The following SEMA3F variants were observed in gnomAD, a reference collection of about 807,000 sequenced individuals.
The protein encoded by SEMA3F is semaphorin 3F, also known as semaphorin-3F.
In SEMA3F, 30 loss-of-function variants were observed where a neutral mutation model predicts 98.5. The observed-to-expected ratio is 0.30, with a 90% CI of 0.23 to 0.41. SEMA3F has a LOEUF of 0.41. Ranked by LOEUF, SEMA3F falls within the 10% of genes least tolerant of loss-of-function variation. The pLI is 1.00. For synonymous variants in SEMA3F, 380 were observed against 444.8 expected (o/e 0.85, Z 1.83); for missense variants, 866 against 1,119.3 (o/e 0.77, Z 3.23).
At chr3:50,173,984 G>A in intron 3 of SEMA3F, 31 bp downstream of exon 3, 1 of 1,613,954 alleles carries the variant, frequency 6.2e-7, no homozygotes, top group African/African-American at 1.3e-5. Context: ...GGGACGTGGG[G>A]TGGGCACGGA....
chr3:50,187,005 A>C (rs1699245146), intron 18 of SEMA3F, among the ~76,000 whole-genome samples: 1 of 152,244 alleles, frequency 6.6e-6, no homozygotes, highest in Admixed American at 6.5e-5. Context: ...ACCTTCTACA[A>C]AAACATCATG....
chr3:50,178,537 A>G (rs913251415), intron 7 of SEMA3F, among the ~76,000 whole-genome samples: 2 of 151,448 alleles, frequency 1.3e-5, no homozygotes, highest in African/African-American at 4.8e-5. Flanking sequence ...GCTGGCCAAC[A>G]TGGGTGAAAC....
chr3:50,167,891 C>A (rs1306073302), intron 2 of SEMA3F, among the ~76,000 whole-genome samples: 1 of 152,222 alleles, frequency 6.6e-6, no homozygotes, highest in Non-Finnish European at 1.5e-5. Context: ...CATTTCCCAC[C>A]ACATTTCCTA....
Position 50,155,786 on chromosome 3 carries a change from A to G in SEMA3F, c.-49+222A>G, listed in dbSNP as rs985746954. 2.0e-5 allele frequency: 4 copies of G among 200,242 alleles called. No homozygotes were observed. The South Asian group carries it at 7.6e-4, about 38-fold the overall frequency. 12.4% of individuals were successfully genotyped at this position (200,242 alleles called of 1,614,324 possible). A position where few individuals can be genotyped will look rare whatever the true frequency, so the allele number is the denominator to read the frequency against. On this transcript the variant is annotated intron_variant, in intron 1 of 18. Coordinates refer to ENST00000002829, the MANE Select transcript of SEMA3F (RefSeq NM_004186.5). This position sits in a 1 kb window ranked among gnomAD's most constrained non-coding sequence, Gnocchi z 4.9. ...TACGGGGCGGCGTATGGATGTGTGG[A>G]TGATGTGGCCTGCGGGGTCACCCAT...
At position 50,173,845 on chromosome 3, in the gene SEMA3F, C is replaced by T. The variant is rs760227157; in HGVS notation, c.165C>T (p.Thr55=). The change falls in exon 3 of 19, where the codon ACC becomes ACT. Residue 55 remains threonine, a synonymous_variant. Transcript: ENST00000002829. ...AHFFNFLLNT[T]DYRILLKDED... is the part of the protein sequence containing the mutation. The stretch of plus-strand genomic sequence containing the variant: ...TCTTCAACTTCCTGCTCAACACAAC[C>T]GACTACCGAATCTTGCTCAAGGACG... 1.2e-5 allele frequency: 19 copies of T among 1,613,972 alleles called. No individual in the cohort carries two copies. The highest frequency in any genetic ancestry group is 1.0e-4 in the Admixed American group (6 of 60,000).
intron 2 of SEMA3F, among the ~76,000 whole-genome samples, chr3:50,163,560 C>G (rs1698294410): frequency 6.6e-6 from 1 of 152,250 alleles, no homozygotes. Context: ...CGTTGACTTC[C>G]CCTCAGGAGT....
In SEMA3F at chr3:50,176,800, C is replaced by T. The variant is rs150956613; in HGVS notation, c.582C>T (p.Leu194=). The part of the protein sequence containing the change: ...DYIFYLEPER[L]ESGKGKCPYD... The stretch of plus-strand genomic sequence containing the variant: ...TCTTCTACCTGGAGCCTGAGCGACT[C>T]GAGTCAGGGAAGGGCAAGTGTCCGT... Residue 194 remains leucine, a synonymous_variant, in exon 7 of 19, where the codon CTC becomes CTT. Transcript: ENST00000002829. 5,798 of 1,613,566 alleles carry T rather than the reference C, an allele frequency of 3.6e-3. 10 individuals are homozygous for T. The highest frequency in any genetic ancestry group is 9.1e-3 in the Middle Eastern group (55 of 6,060).
intron 2 of SEMA3F, among the ~76,000 whole-genome samples, chr3:50,167,996 G>A (rs1332941931): frequency 2.6e-5 from 4 of 152,170 alleles, no homozygotes; most frequent in Admixed American, 6.5e-5. Flanking sequence ...ATAAAAACAC[G>A]CGGAGTCATT....
At chr3:50,185,736 T>G (rs779590222) in intron 15 of SEMA3F, 29 bp downstream of exon 15, 10 of 1,613,802 alleles carry the variant, frequency 6.2e-6, no homozygotes, top group Non-Finnish European at 1.7e-6. Flanking sequence ...GAGCCAAGGT[T>G]GGGGACAGGG....
rs1485982045 is a variant in SEMA3F at position 50,186,702 on chromosome 3, G to C, written c.1903G>C (p.Val635Leu). 8 of 1,609,258 alleles carry C rather than the reference G, an allele frequency of 5.0e-6. No individual in the cohort carries two copies. In the Admixed American group the frequency reaches 1.3e-4, roughly 27 times the overall value. Reference sequence around the variant, plus strand: ...CCAGCCCCGCTCGCCCCAAGCCACTGTTAAGTGGCTGTTCCAGCGAGATCC... The same window carrying C: ...CCAGCCCCGCTCGCCCCAAGCCACTCTTAAGTGGCTGTTCCAGCGAGATCC... Reference protein sequence around the residue: ...ECQPRSPQATVKWLFQRDPGD... With the variant: ...ECQPRSPQATLKWLFQRDPGD... The change falls in exon 18 of 19, where the codon GTT becomes CTT. Residue 635 changes from valine to leucine, a missense_variant. Around this residue, in one of 3 missense-constraint regions of SEMA3F, gnomAD observed 245 missense variants for 260.5 expected, o/e 0.94. Coordinates refer to ENST00000002829, the MANE Select transcript of SEMA3F (RefSeq NM_004186.5).
At chr3:50,160,982 C>G (rs2624841) in intron 2 of SEMA3F, among the ~76,000 whole-genome samples, 1 of 152,006 alleles carries the variant, frequency 6.6e-6, no homozygotes, top group Non-Finnish European at 1.5e-5. Context: ...AAAGCACCCC[C>G]CTTCCCCGGG....
intron 7 of SEMA3F, among the ~76,000 whole-genome samples, chr3:50,178,177 G>A (rs184890569): frequency 1.2e-4 from 18 of 151,874 alleles, no homozygotes; most frequent in Non-Finnish European, 1.9e-4. Flanking sequence ...GGGAGGTGGA[G>A]GTTGCAGTGA....
At chr3:50,181,447 G>A (rs1185251348) in intron 7 of SEMA3F, among the ~76,000 whole-genome samples, 2 of 151,354 alleles carry the variant, frequency 1.3e-5, no homozygotes, top group Admixed American at 1.3e-4. Flanking sequence ...TCAGCCTCCT[G>A]AGTAGCTGGG....
chr3:50,182,728 C>G lies in SEMA3F; in HGVS notation c.848C>G (p.Ser283Trp). 1 of 1,613,366 alleles carries G rather than the reference C, an allele frequency of 6.2e-7. No homozygotes were observed. Among genetic ancestry groups the G allele is most frequent in the Non-Finnish European group, 8.5e-7 (1 of 1,180,026 alleles). Residue 283 changes from serine to tryptophan, a missense_variant, in exon 9 of 19, where the codon TCG (serine) becomes TGG (tryptophan). Physicochemically the swap from Ser to Trp is radical, Grantham distance 177. Around this residue, in one of 3 missense-constraint regions of SEMA3F, gnomAD observed 374 missense variants for 582.8 expected, o/e 0.64. Transcript: ENST00000002829. The surrounding 1 kb of genome is among the most constrained non-coding windows in gnomAD (Gnocchi z 4.5). ...DKLYFFFRER[S>W]AEAPQSPAVY... is the part of the protein sequence containing the mutation. ...CTTTACTTCTTCTTCCGTGAGCGGT[C>G]GGCAGAGGCGCCGCAGAGCCCCGCG...
rs926603368 is a variant in SEMA3F, at chr3:50,183,685, G to GTA, written c.1233+122_1233+123dup. 4.8e-5 allele frequency: 51 copies of GTA among 1,053,236 alleles called. 1 individual carries two copies. In the African/African-American group the frequency reaches 7.8e-4, roughly 16 times the overall value. 65.2% of individuals were successfully genotyped at this position (1,053,236 alleles called of 1,614,324 possible). ...TCCCAGCCAGCGGAGGCGGTGAGCT[G>GTA]TAATGCACACACAGACGGGCCTTCA... On this transcript the variant is annotated intron_variant, in intron 12 of 18. Transcript: ENST00000002829.
intron 2 of SEMA3F, among the ~76,000 whole-genome samples, chr3:50,162,503 G>A (rs550968750): frequency 6.6e-6 from 1 of 152,272 alleles, no homozygotes; most frequent in East Asian, 1.9e-4. Flanking sequence ...TGGAAGCCTG[G>A]ACAGACCCTC....
chr3:50,186,597 C>A lies in SEMA3F; in HGVS notation c.1814-16C>A, dbSNP rs756957708. ...GGAGGTGATGCTGCTTTTGCTCAAC[C>A]CCTCTCACTCTAAAGCCAACAAGAA... On this transcript the variant is annotated splice_polypyrimidine_tract_variant and intron_variant, in intron 17 of 18. Coordinates refer to ENST00000002829, the MANE Select transcript of SEMA3F (RefSeq NM_004186.5). The A allele has an allele frequency of 1.3e-6, 2 of 1,580,282 alleles. No individual in the cohort carries two copies. The highest frequency in any genetic ancestry group is 1.7e-6 in the Non-Finnish European group (2 of 1,155,788).
rs923040137 is a variant in SEMA3F at position 50,155,458 on chromosome 3, G to T, written c.-155G>T. On this transcript the variant is annotated 5_prime_UTR_variant, in exon 1 of 19. Transcript: ENST00000002829. This position sits in a 1 kb window ranked among gnomAD's most constrained non-coding sequence, Gnocchi z 4.9. ...CTGAGGCGCAGCGGCGAGAGGTCGC[G>T]GGCAGGGCCATGGCCCCGGGGGGCC... 4.1e-5 allele frequency: 12 copies of T among 295,090 alleles called. No individual in the cohort carries two copies. The highest frequency in any genetic ancestry group is 3.0e-4 in the East Asian group (5 of 16,690). The allele number at this position is 295,090 out of a possible 1,614,324, so 18.3% of individuals were successfully genotyped here. A position where few individuals can be genotyped will look rare whatever the true frequency, so the allele number is the denominator to read the frequency against.
At position 50,159,628 on chromosome 3, in the gene SEMA3F, T is replaced by C; in HGVS notation, c.6T>C (p.Leu2=). The change falls in exon 2 of 19, where the codon CTT becomes CTC. Residue 2 remains leucine, a synonymous_variant. Coordinates refer to ENST00000002829, the MANE Select transcript of SEMA3F (RefSeq NM_004186.5). The part of the protein sequence containing the change: M[L]VAGLLLWASL... ...GGCCCTAGGCCCCTCCCACAATGCT[T>C]GTCGCCGGTCTTCTTCTCTGGGCTT... 6.2e-7 allele frequency: 1 copy of C among 1,605,818 alleles called. No individual in the cohort carries two copies. Among genetic ancestry groups the C allele is most frequent in the Middle Eastern group, 1.7e-4 (1 of 6,038 alleles).
Sources: gnomAD v4.1 joint callset for allele counts (sites outside exome capture counted in the v4.1 genomes callset) on GRCh38, gnomAD v4.1.1 for gene constraint, gnomAD v4.1.1 regional missense constraint, Gnocchi (gnomAD v3.1) non-coding constraint, MANE v1.5 for transcripts, NCBI Gene and HGNC (gene_info 2026-07-23, HGNC 2026-07-21) for gene names.